Variants in HIF1A observed in about 807,000 individuals in gnomAD.
The protein encoded by HIF1A is hypoxia-inducible factor 1-alpha.
In HIF1A, 24 loss-of-function variants were observed where a neutral mutation model predicts 92.7. That is an observed-to-expected ratio of 0.26 (90% CI 0.19 to 0.36). HIF1A has a LOEUF of 0.36. Among genes scored for constraint, HIF1A ranks in the 10% least tolerant of loss-of-function variants. The probability of loss-of-function intolerance (pLI) is 1.00; values close to 1 mark genes in which losing one functional copy is unlikely to be tolerated. For synonymous variants in HIF1A, 319 were observed against 338.7 expected, an observed-to-expected ratio of 0.94 and a Z score of 0.64; for missense variants, 799 against 998.5, an observed-to-expected ratio of 0.80 and a Z score of 2.69.
intron 1 of HIF1A, among the ~76,000 whole-genome samples, chr14:61,701,781 A>G (rs865848001): frequency 6.6e-6 from 1 of 152,120 alleles, no homozygotes; most frequent in South Asian, 2.1e-4. Context: ...TGAGGTCAGG[A>G]GTTCGAGACC....
chr14:61,699,887 G>A (rs985226195), intron 1 of HIF1A, among the ~76,000 whole-genome samples: 3 of 152,008 alleles, frequency 2.0e-5, no homozygotes, highest in Non-Finnish European at 4.4e-5. Flanking sequence ...TTAACTATAG[G>A]CTTTGGAATT....
At chr14:61,739,703 C>A (rs73314116) in intron 10 of HIF1A, among the ~76,000 whole-genome samples, 1,742 of 152,264 alleles carry the variant, frequency 0.011, 35 homozygotes, top group African/African-American at 0.038. Flanking sequence ...TTTTGTTAAA[C>A]TTCTTGCCCA....
At chr14:61,743,613 T>C (rs1190806554) in intron 12 of HIF1A, among the ~76,000 whole-genome samples, 1 of 152,132 alleles carries the variant, frequency 6.6e-6, no homozygotes, top group East Asian at 1.9e-4. Flanking sequence ...CAAAGAAAAC[T>C]GCAAAATAAG....
At chr14:61,741,710 C>G (rs966670847) in intron 12 of HIF1A, among the ~76,000 whole-genome samples, 1 of 152,116 alleles carries the variant, frequency 6.6e-6, no homozygotes, top group Non-Finnish European at 1.5e-5. Flanking sequence ...AATTACCTAT[C>G]TAAATGGAGG....
At chr14:61,702,523 A>G (rs949004747) in intron 1 of HIF1A, among the ~76,000 whole-genome samples, 5 of 151,928 alleles carry the variant, frequency 3.3e-5, no homozygotes, top group Non-Finnish European at 7.4e-5. Context: ...GAAGAAAGTT[A>G]AAGAATCTCC....
In HIF1A at chr14:61,745,795, G is replaced by C; in HGVS notation, c.2307G>C (p.Lys769Asn). 1 of 1,611,818 alleles carries C rather than the reference G, an allele frequency of 6.2e-7. No homozygotes were observed. Among genetic ancestry groups the C allele is most frequent in the Non-Finnish European group, 8.5e-7 (1 of 1,178,544 alleles). Reference sequence around the variant, plus strand: ...GTGAACAGAATGGAATGGAGCAAAAGACAATTATTTTAATACCCTCTGGTT... The same window carrying C: ...GTGAACAGAATGGAATGGAGCAAAACACAATTATTTTAATACCCTCTGGTT... ...KSSEQNGMEQ[K>N]TIILIPSDLA... The change falls in exon 14 of 15, where the codon AAG (lysine) becomes AAC (asparagine). Residue 769 changes from lysine (K) to asparagine (N), a missense_variant. By Grantham distance (94) the Lys-to-Asn change is moderately conservative. Around this residue, in one of 2 missense-constraint regions of HIF1A, gnomAD observed 283 missense variants for 277.5 expected, o/e 1.02. Coordinates refer to ENST00000337138, the MANE Select transcript of HIF1A (RefSeq NM_001530.4).
At chr14:61,700,991 T>C (rs2044170680) in intron 1 of HIF1A, among the ~76,000 whole-genome samples, 1 of 152,232 alleles carries the variant, frequency 6.6e-6, no homozygotes, top group Admixed American at 6.5e-5. Context: ...GAGAATTCAA[T>C]TTTTCTAGTG....
chr14:61,727,700 A>G (rs1372589208), intron 6 of HIF1A, 45 bp downstream of exon 6: 4 of 1,320,554 alleles, frequency 3.0e-6, no homozygotes, highest in Non-Finnish European at 4.4e-6. Flanking sequence ...TAATTAGTCT[A>G]CAGCATTACT....
chr14:61,702,026 T>C (rs777944350), intron 1 of HIF1A, among the ~76,000 whole-genome samples: 2 of 152,092 alleles, frequency 1.3e-5, no homozygotes, highest in African/African-American at 2.4e-5. Flanking sequence ...TGAATACTGG[T>C]ACGTGGTGTA....
chr14:61,744,190 A>G (rs2044747897), intron 12 of HIF1A, among the ~76,000 whole-genome samples: 1 of 152,136 alleles, frequency 6.6e-6, no homozygotes, highest in African/African-American at 2.4e-5. Flanking sequence ...GTTCAGCTCT[A>G]TTTTATAAAA....
chr14:61,695,790 G>C lies in HIF1A; in HGVS notation c.-15G>C. On this transcript the variant is annotated 5_prime_UTR_variant, in exon 1 of 15. Transcript: ENST00000337138. ...GGGCCGCCCGCCGTGAAGACATCGC[G>C]GGGACCGATTCACCATGGAGGGCGC... 1 of 1,596,254 alleles carries C rather than the reference G, an allele frequency of 6.3e-7. No homozygotes were observed. The highest frequency in any genetic ancestry group is 8.5e-7 in the Non-Finnish European group (1 of 1,173,074).
In HIF1A at chr14:61,708,643, G is replaced by C. The variant is rs566927654; in HGVS notation, c.36-11739G>C. 9.9e-5 allele frequency among the ~76,000 whole-genome samples: 15 copies of C among 152,094 alleles called. No individual in the cohort carries two copies. The South Asian group carries it at 3.1e-3, about 32-fold the overall frequency. On this transcript the variant is annotated intron_variant, in intron 1 of 14. Transcript: ENST00000337138. The stretch of plus-strand genomic sequence containing the variant: ...AAGCGGCATTATTTCTGAGGGCTCT[G>C]TTCTGTTCCATTGGTCTATATCTCT...
intron 5 of HIF1A, 137 bp from the exon 6 acceptor site, chr14:61,727,316 A>G: frequency 1.5e-6 from 1 of 650,108 alleles, no homozygotes; most frequent in East Asian, 2.7e-5. Context: ...TTGATTTTCA[A>G]AAACGTGATT....
chr14:61,720,707 AT>A (rs2044416608), intron 2 of HIF1A, 135 bp downstream of exon 2: 1 of 449,778 alleles, frequency 2.2e-6, no homozygotes, highest in Non-Finnish European at 3.8e-6. Flanking sequence ...ACGTTTAAAA[AT>A]TTTTCTGTAA....
chr14:61,716,653 T>C (rs1352213265), intron 1 of HIF1A, among the ~76,000 whole-genome samples: 6 of 152,194 alleles, frequency 3.9e-5, no homozygotes, highest in African/African-American at 1.4e-4. Context: ...TTTATGTTCT[T>C]AATCTGAAGA....
chr14:61,746,766 A>G (rs2140164049), intron 14 of HIF1A, among the ~76,000 whole-genome samples, 168 bp from the exon 15 acceptor site: 1 of 152,334 alleles, frequency 6.6e-6, no homozygotes, highest in South Asian at 2.1e-4. Flanking sequence ...CAGCAACAGT[A>G]TCACTGGATT....
chr14:61,741,247 T>C, intron 12 of HIF1A, 59 bp downstream of exon 12: 5 of 1,167,352 alleles, frequency 4.3e-6, no homozygotes, highest in Non-Finnish European at 6.1e-6. Context: ...TAAATGTATG[T>C]GATAGTACAT....
chr14:61,702,711 T>C (rs551451785), intron 1 of HIF1A, among the ~76,000 whole-genome samples: 5 of 152,306 alleles, frequency 3.3e-5, no homozygotes, highest in Admixed American at 3.3e-4. Context: ...TAAACTATTT[T>C]AATGTTAATG....
chr14:61,730,944 T>C (rs2140146218), intron 6 of HIF1A, among the ~76,000 whole-genome samples: 1 of 152,322 alleles, frequency 6.6e-6, no homozygotes, highest in East Asian at 1.9e-4. Context: ...TTTTCCTTTA[T>C]AATGCTGCCA....
Sources: gnomAD v4.1 joint callset for allele counts (sites outside exome capture counted in the v4.1 genomes callset) on GRCh38, gnomAD v4.1.1 for gene constraint, gnomAD v4.1.1 regional missense constraint, MANE v1.5 for transcripts, NCBI Gene and HGNC (gene_info 2026-07-23, HGNC 2026-07-21) for gene names.